The following MCMBP variants were observed in gnomAD, a reference collection of about 807,000 sequenced individuals.
The protein encoded by MCMBP is minichromosome maintenance complex binding protein, also known as mini-chromosome maintenance complex-binding protein.
In MCMBP, 31 loss-of-function variants were observed where a neutral mutation model predicts 81.3. The ratio of observed to expected loss-of-function variants is 0.38; its 90% CI spans 0.29 to 0.51. The LOEUF is 0.51. Ranked by LOEUF, MCMBP falls within the 20% of genes least tolerant of loss-of-function variation. MCMBP has a pLI of 0.87. For synonymous variants in MCMBP, 267 were observed against 275.9 expected (o/e 0.97, Z 0.32); for missense variants, 645 against 772.1 (o/e 0.84, Z 1.95).
intron 5 of MCMBP, among the ~76,000 whole-genome samples, chr10:119,854,815 G>A (rs901823610): frequency 1.3e-5 from 2 of 151,512 alleles, no homozygotes; most frequent in Non-Finnish European, 2.9e-5. Context: ...AAAAACTGGC[G>A]TGGTGGCACA....
intron 1 of MCMBP, among the ~76,000 whole-genome samples, chr10:119,868,039 T>G (rs559894156): frequency 1.3e-5 from 2 of 152,378 alleles, no homozygotes; most frequent in South Asian, 2.1e-4. Context: ...TGCTCTTTTT[T>G]GCATGAGCTA....
At chr10:119,838,238 AAT>A (rs1222133504) in intron 12 of MCMBP, among the ~76,000 whole-genome samples, 8 of 148,034 alleles carry the variant, frequency 5.4e-5, no homozygotes, top group South Asian at 4.2e-4. Context: ...TAAAATATAT[AAT>A]ATATGATATA....
At chr10:119,832,163 T>G (rs1196281025) in intron 14 of MCMBP, 63 bp from the exon 15 acceptor site, 1 of 1,446,470 alleles carries the variant, frequency 6.9e-7, no homozygotes. Context: ...ATTAACATGG[T>G]TCCTTGACTG....
At chr10:119,849,321 T>G in intron 7 of MCMBP, 104 bp downstream of exon 7, 1 of 1,217,120 alleles carries the variant, frequency 8.2e-7, no homozygotes, top group South Asian at 1.4e-5. Flanking sequence ...AGTGATTTGC[T>G]ATAGCTAGCC....
rs1174251337 is a variant in MCMBP, at chr10:119,849,575, C to G, written c.576G>C (p.Gly192=). ...CACACCATTGAAGACCACCAACACT[C>G]CCTAAATTCAAAGGATAGCATTGCA... The part of the protein sequence containing the change: ...KDQHAGARQA[G]SVGGLQWCGE... Residue 192 remains glycine, a splice_region_variant and synonymous_variant, in exon 7 of 16, where the codon GGG becomes GGC. Coordinates refer to ENST00000369077, the MANE Select transcript of MCMBP (RefSeq NM_001256378.2). The G allele has an allele frequency of 6.4e-6, 10 of 1,573,346 alleles. No homozygotes were observed. The highest frequency in any genetic ancestry group is 2.8e-5 in the African/African-American group (2 of 71,808).
intron 12 of MCMBP, among the ~76,000 whole-genome samples, chr10:119,837,737 T>C (rs553165602): frequency 1.4e-4 from 21 of 151,968 alleles, no homozygotes; most frequent in Non-Finnish European, 1.8e-4. Flanking sequence ...TGAGCCAAGA[T>C]TGGCCACTGC....
At chr10:119,872,406 C>T (rs1287511448) in intron 1 of MCMBP, 121 bp downstream of exon 1, 1 of 482,612 alleles carries the variant, frequency 2.1e-6, no homozygotes, top group South Asian at 9.6e-5. Flanking sequence ...CCCCGGGGCC[C>T]CGTCTCGGGC....
At chr10:119,833,029 A>G (rs1852102367) in intron 14 of MCMBP, among the ~76,000 whole-genome samples, 1 of 152,218 alleles carries the variant, frequency 6.6e-6, no homozygotes, top group African/African-American at 2.4e-5. Context: ...ATGAAGGCTA[A>G]GGCTTGTAAA....
intron 1 of MCMBP, among the ~76,000 whole-genome samples, chr10:119,861,870 A>T (rs1853266457): frequency 6.6e-6 from 1 of 152,126 alleles, no homozygotes; most frequent in Non-Finnish European, 1.5e-5. Flanking sequence ...TCTCCTGCGT[A>T]GCTGGGACCA....
chr10:119,844,166 C>T (rs908184341), intron 8 of MCMBP, among the ~76,000 whole-genome samples: 6 of 152,154 alleles, frequency 3.9e-5, no homozygotes, highest in Non-Finnish European at 8.8e-5. Flanking sequence ...CATCTCTTAT[C>T]TTGCTAATTG....
At chr10:119,863,991 A>T (rs1853358465) in intron 1 of MCMBP, among the ~76,000 whole-genome samples, 1 of 150,546 alleles carries the variant, frequency 6.6e-6, no homozygotes, top group African/African-American at 2.4e-5. Flanking sequence ...ATTAAGGTTA[A>T]TAATCAGTTG....
At chr10:119,866,616 A>G (rs1223530700) in intron 1 of MCMBP, among the ~76,000 whole-genome samples, 1 of 152,018 alleles carries the variant, frequency 6.6e-6, no homozygotes, top group Non-Finnish European at 1.5e-5. Flanking sequence ...ACAGAGTGAG[A>G]CTCCGTCTCA....
At chr10:119,867,110 C>T (rs1326544482) in intron 1 of MCMBP, among the ~76,000 whole-genome samples, 2 of 151,084 alleles carry the variant, frequency 1.3e-5, no homozygotes, top group African/African-American at 2.4e-5. Flanking sequence ...CTGGCCAACA[C>T]GGTGAAGCCC....
chr10:119,852,961 T>C (rs1852883614), intron 6 of MCMBP, 89 bp downstream of exon 6: 3 of 1,478,830 alleles, frequency 2.0e-6, no homozygotes, highest in South Asian at 2.5e-5. Context: ...AGCTCCTAAA[T>C]ATAGAGCTAT....
At chr10:119,855,106 C>T (rs1402144502) in intron 5 of MCMBP, among the ~76,000 whole-genome samples, 2 of 151,980 alleles carry the variant, frequency 1.3e-5, no homozygotes, top group Admixed American at 6.6e-5. Context: ...ATGTTGTGAG[C>T]TGTATAATCT....
At chr10:119,846,953 A>C (rs1455698814) in intron 8 of MCMBP, among the ~76,000 whole-genome samples, 1 of 152,154 alleles carries the variant, frequency 6.6e-6, no homozygotes, top group Admixed American at 6.5e-5. Context: ...ACAAAGGCTG[A>C]GGACTGTTTC....
intron 1 of MCMBP, among the ~76,000 whole-genome samples, chr10:119,870,383 G>A (rs578157569): frequency 9.2e-5 from 14 of 152,082 alleles, no homozygotes; most frequent in South Asian, 6.2e-4. Context: ...GGAGGCGGAG[G>A]TTGCAGTGAG....
At chr10:119,857,742 G>A (rs1853103613) in intron 4 of MCMBP, 1 of 184,794 alleles carries the variant, frequency 5.4e-6, no homozygotes, top group Non-Finnish European at 1.1e-5. Context: ...TGTTATCTAG[G>A]CCTTTTTATA....
chr10:119,862,894 A>G (rs747073495), intron 1 of MCMBP, among the ~76,000 whole-genome samples: 2 of 152,200 alleles, frequency 1.3e-5, no homozygotes, highest in African/African-American at 4.8e-5. Flanking sequence ...GCATTTCCCT[A>G]ATGGCTAACA....
Sources: gnomAD v4.1 joint callset for allele counts (sites outside exome capture counted in the v4.1 genomes callset) on GRCh38, gnomAD v4.1.1 for gene constraint, MANE v1.5 for transcripts, NCBI Gene and HGNC (gene_info 2026-07-23, HGNC 2026-07-21) for gene names.